TBC1D5: variants seen among roughly 807,000 people sequenced by gnomAD.
TBC1D5 encodes the protein TBC1 domain family, member 5.
TBC1D5 carries 75 observed loss-of-function variants against 100.3 expected under a neutral mutation model. That is an observed-to-expected ratio of 0.75 (90% CI 0.62 to 0.91). The LOEUF is 0.91. Ranked by LOEUF, TBC1D5 falls within the 40% of genes least tolerant of loss-of-function variation. The pLI, the probability that TBC1D5 is intolerant of heterozygous loss-of-function variation, is 0.00. For missense variants in TBC1D5, 910 were observed against 942.4 expected (o/e 0.97, Z 0.45); for synonymous variants, 323 against 325.6 (o/e 0.99, Z 0.09).
At chr3:17,283,785 A>G (rs2080859266) in intron 15 of TBC1D5, among the ~76,000 whole-genome samples, 1 of 152,048 alleles carries the variant, frequency 6.6e-6, no homozygotes, top group South Asian at 2.1e-4. Context: ...AAGACTGCAT[A>G]GGAAGAACAA....
At chr3:17,337,215 T>G (rs1158728753) in intron 13 of TBC1D5, among the ~76,000 whole-genome samples, 1 of 151,528 alleles carries the variant, frequency 6.6e-6, no homozygotes, top group Non-Finnish European at 1.5e-5. Context: ...TAATTTATAT[T>G]TCTAATGAGC....
intron 14 of TBC1D5, among the ~76,000 whole-genome samples, chr3:17,307,559 G>A (rs2083520902): frequency 6.6e-6 from 1 of 152,068 alleles, no homozygotes; most frequent in Non-Finnish European, 1.5e-5. Flanking sequence ...ACCTTTAAAT[G>A]TATTTGTTTT....
At chr3:17,347,260 G>A (rs9881318) in intron 13 of TBC1D5, among the ~76,000 whole-genome samples, 6 of 152,168 alleles carry the variant, frequency 3.9e-5, no homozygotes, top group African/African-American at 1.4e-4. Context: ...CTAACTCATA[G>A]TGATGCTATG....
At chr3:17,282,889 T>C (rs1421189505) in intron 15 of TBC1D5, among the ~76,000 whole-genome samples, 1 of 152,252 alleles carries the variant, frequency 6.6e-6, no homozygotes, top group African/African-American at 2.4e-5. Context: ...TCCTTACACA[T>C]TTCATGGACT....
intron 3 of TBC1D5, among the ~76,000 whole-genome samples, chr3:17,468,047 T>C (rs1031360392): frequency 6.6e-6 from 1 of 152,082 alleles, no homozygotes. Context: ...ATAAGCAGCA[T>C]AAAATAATGA....
intron 1 of TBC1D5, among the ~76,000 whole-genome samples, chr3:17,721,276 G>A (rs989772694): frequency 5.9e-5 from 9 of 152,028 alleles, no homozygotes; most frequent in Non-Finnish European, 1.3e-4. Flanking sequence ...TTCTCTGATG[G>A]CTGTTATCCT....
At chr3:17,419,763 C>T (rs11717644) in intron 4 of TBC1D5, among the ~76,000 whole-genome samples, 59,808 of 151,988 alleles carry the variant, frequency 0.39, 12,423 homozygotes, top group Middle Eastern at 0.47. Flanking sequence ...GCAGCCTCAA[C>T]CTCCCAGGCT....
exon 22 of TBC1D5, chr3:17,160,933 A>T (rs1202573647): frequency 1.3e-6 from 2 of 1,594,912 alleles, no homozygotes; most frequent in East Asian, 2.2e-5. Flanking sequence ...GGGTGGCTAG[A>T]TCCCTGTGGG....
intron 10 of TBC1D5, among the ~76,000 whole-genome samples, chr3:17,375,592 A>G (rs1385201845): frequency 6.6e-6 from 1 of 151,834 alleles, no homozygotes; most frequent in Admixed American, 6.6e-5. Flanking sequence ...TTACAACAGG[A>G]TCCTAATACT....
intron 13 of TBC1D5, among the ~76,000 whole-genome samples, chr3:17,331,892 C>T (rs143287226): frequency 2.2e-4 from 34 of 152,198 alleles, no homozygotes; most frequent in Non-Finnish European, 3.7e-4. Context: ...TGACTAGGCA[C>T]GGGTTTGGAA....
rs775977505 is a variant in TBC1D5, at chr3:17,372,066, A to C, written c.995+9T>G. ...AACAAACAAACAAACAAAGAACTTT[A>C]ATACTTACAACCCATATATCTGTGG... On this transcript the variant is annotated intron_variant, in intron 13 of 21. Coordinates refer to ENST00000253692, the Ensembl canonical transcript of TBC1D5. 3 of 1,599,250 alleles carry C rather than the reference A, an allele frequency of 1.9e-6. No individual in the cohort carries two copies. The South Asian group carries it at 3.4e-5, about 18-fold the overall frequency.
intron 1 of TBC1D5, among the ~76,000 whole-genome samples, chr3:17,694,603 G>C (rs1417364267): frequency 6.6e-6 from 1 of 152,200 alleles, no homozygotes; most frequent in Non-Finnish European, 1.5e-5. Flanking sequence ...TGTGTGAAAA[G>C]ACCAAATCTA....
intron 15 of TBC1D5, among the ~76,000 whole-genome samples, chr3:17,284,435 C>T (rs962965093): frequency 9.2e-5 from 14 of 152,048 alleles, no homozygotes; most frequent in African/African-American, 2.7e-4. Context: ...ACCCTATTTG[C>T]GCCCTTTATA....
chr3:17,440,659 T>G (rs936150086), intron 3 of TBC1D5, among the ~76,000 whole-genome samples: 5 of 152,108 alleles, frequency 3.3e-5, no homozygotes, highest in African/African-American at 1.2e-4. Context: ...TTTTGTTTTT[T>G]GAGGCAGAGT....
In TBC1D5 at chr3:17,169,974, A is replaced by G. The variant is rs1298073607; in HGVS notation, c.1853-2146T>C. ...TCACAATAGGGTTTGCGATCCTACC[A>G]GAATCCAATGCTGCCTCTGATCTGA... is the stretch of plus-strand genomic sequence containing the variant. On this transcript the variant is annotated intron_variant, in intron 19 of 21. Transcript: ENST00000253692. Among the ~76,000 whole-genome samples, 3 of 152,246 alleles carry G rather than the reference A, an allele frequency of 2.0e-5. No homozygotes were observed. The East Asian group carries it at 5.8e-4, about 29-fold the overall frequency.
intron 9 of TBC1D5, among the ~76,000 whole-genome samples, chr3:17,378,709 T>C (rs575681662): frequency 1.3e-5 from 2 of 151,886 alleles, no homozygotes; most frequent in Admixed American, 6.6e-5. Context: ...GGTTTCTATT[T>C]TGCTTTCATG....
At chr3:17,431,204 T>C (rs1259526303) in intron 3 of TBC1D5, among the ~76,000 whole-genome samples, 2 of 151,958 alleles carry the variant, frequency 1.3e-5, no homozygotes, top group Non-Finnish European at 2.9e-5. Flanking sequence ...GCTATTCTGA[T>C]CCTTGAACTA....
chr3:17,647,297 A>G (rs1411000652), intron 1 of TBC1D5, among the ~76,000 whole-genome samples: 1 of 152,182 alleles, frequency 6.6e-6, no homozygotes, highest in Non-Finnish European at 1.5e-5. Flanking sequence ...TGAAGCTTAC[A>G]AGCTTACATT....
intron 3 of TBC1D5, among the ~76,000 whole-genome samples, chr3:17,472,404 C>T (rs9852861): frequency 0.39 from 59,591 of 151,932 alleles, 12,328 homozygotes; most frequent in Middle Eastern, 0.47. Context: ...TCCCAAAGTG[C>T]GCGAGTCACT....
Sources: gnomAD v4.1 joint callset for allele counts (sites outside exome capture counted in the v4.1 genomes callset) on GRCh38, gnomAD v4.1.1 for gene constraint, MANE v1.5 for transcripts, NCBI Gene and HGNC (gene_info 2026-07-23, HGNC 2026-07-21) for gene names.